The following HSD17B2 variants were observed in gnomAD, a reference collection of about 807,000 sequenced individuals.
The protein encoded by HSD17B2 is 17-beta-hydroxysteroid dehydrogenase type 2.
A neutral mutation model predicts 26.9 loss-of-function variants in HSD17B2; 32 were observed. That is an observed-to-expected ratio of 1.19 (90% CI 0.90 to 1.60). The LOEUF (loss-of-function observed/expected upper bound fraction) is 1.60, where lower values mean the gene tolerates loss of function less well. Ranked by LOEUF, HSD17B2 falls within the 40% of genes most tolerant of loss-of-function variation. The pLI, the probability that HSD17B2 is intolerant of heterozygous loss-of-function variation, is 0.00. For missense variants in HSD17B2, 613 were observed against 468.6 expected (o/e 1.31, Z -2.85); for synonymous variants, 246 against 186.7 (o/e 1.32, Z -2.59).
chr16:82,071,357 G>A (rs984444255), intron 3 of HSD17B2: 2 of 584,300 alleles, frequency 3.4e-6, no homozygotes, highest in Non-Finnish European at 6.2e-6. Context: ...TGTTACTGGG[G>A]ATTTAGGGTT....
chr16:82,069,928 G>A (rs1003593360), intron 2 of HSD17B2, among the ~76,000 whole-genome samples: 1 of 152,092 alleles, frequency 6.6e-6, no homozygotes, highest in Non-Finnish European at 1.5e-5. Flanking sequence ...TCAGTCTCTA[G>A]GACGGGATCC....
At chr16:82,058,524 G>T (rs904575191) in intron 1 of HSD17B2, among the ~76,000 whole-genome samples, 4 of 152,116 alleles carry the variant, frequency 2.6e-5, no homozygotes, top group African/African-American at 9.7e-5. Context: ...AGCATAAAGT[G>T]AGATAACATA....
At chr16:82,036,870 T>G (rs1913639863) in intron 1 of HSD17B2, among the ~76,000 whole-genome samples, 1 of 152,172 alleles carries the variant, frequency 6.6e-6, no homozygotes, top group South Asian at 2.1e-4. Flanking sequence ...TCAAATGGCT[T>G]ATCGGTGAAA....
At chr16:82,067,473 T>A (rs1429774990) in intron 1 of HSD17B2, among the ~76,000 whole-genome samples, 1 of 152,246 alleles carries the variant, frequency 6.6e-6, no homozygotes, top group Non-Finnish European at 1.5e-5. Flanking sequence ...TACTCCCATC[T>A]CAAATTCTGA....
chr16:82,077,511 T>C (rs758180242), intron 3 of HSD17B2, among the ~76,000 whole-genome samples: 1 of 152,124 alleles, frequency 6.6e-6, no homozygotes, highest in African/African-American at 2.4e-5. Context: ...GGTGGATTGC[T>C]TGAGTCCAGG....
chr16:82,085,420 A>G (rs796353075), intron 3 of HSD17B2, among the ~76,000 whole-genome samples: 9 of 152,274 alleles, frequency 5.9e-5, no homozygotes, highest in African/African-American at 2.2e-4. Context: ...TGCAGATATT[A>G]ATTAATTTTC....
chr16:82,091,114 C>T (rs1210655165), intron 4 of HSD17B2, 75 bp downstream of exon 4: 2 of 1,398,900 alleles, frequency 1.4e-6, no homozygotes, highest in East Asian at 4.6e-5. Context: ...TCTGACAGAG[C>T]ACACATTGAA....
At chr16:82,081,870 A>T (rs759402949) in intron 3 of HSD17B2, among the ~76,000 whole-genome samples, 3 of 152,222 alleles carry the variant, frequency 2.0e-5, no homozygotes, top group Non-Finnish European at 4.4e-5. Flanking sequence ...GATAGATTAG[A>T]TAAAGAAAAT....
At chr16:82,074,487 C>T (rs535247572) in intron 3 of HSD17B2, among the ~76,000 whole-genome samples, 48 of 152,190 alleles carry the variant, frequency 3.2e-4, no homozygotes, top group African/African-American at 1.1e-3. Context: ...AGAAACAAAG[C>T]GCTGTCAAGA....
At chr16:82,041,983 C>G (rs932192118) in intron 1 of HSD17B2, among the ~76,000 whole-genome samples, 3 of 151,376 alleles carry the variant, frequency 2.0e-5, no homozygotes, top group African/African-American at 7.3e-5. Flanking sequence ...ATCCTTTTCC[C>G]TTTCTTTTCT....
intron 1 of HSD17B2, among the ~76,000 whole-genome samples, chr16:82,041,017 TACTACAGGGAAGCATAAAAAAGGTTTTG>T (rs1913751805): frequency 6.6e-6 from 1 of 152,210 alleles, no homozygotes; most frequent in African/African-American, 2.4e-5. Flanking sequence ...TACCTTTACC[TACTACAGGGAAGCATAAAAAAGGTTTTG>T]ATAACCCGGG....
intron 1 of HSD17B2, among the ~76,000 whole-genome samples, chr16:82,049,561 T>C (rs991445932): frequency 6.6e-6 from 1 of 152,214 alleles, no homozygotes; most frequent in Non-Finnish European, 1.5e-5. Flanking sequence ...GCTGTGAGCA[T>C]TTCGGAAAGA....
intron 4 of HSD17B2, 120 bp from the exon 5 acceptor site, chr16:82,097,955 A>T (rs1199436672): frequency 2.6e-5 from 24 of 923,590 alleles, no homozygotes; most frequent in Non-Finnish European, 3.3e-5. Context: ...TAAAAAAATA[A>T]AAAAATAAAT....
chr16:82,078,682 T>C (rs1904317271), intron 3 of HSD17B2, among the ~76,000 whole-genome samples: 1 of 152,246 alleles, frequency 6.6e-6, no homozygotes, highest in African/African-American at 2.4e-5. Context: ...GGAGTACTAT[T>C]CAGCCATGTA....
intron 3 of HSD17B2, among the ~76,000 whole-genome samples, chr16:82,086,957 G>C (rs1042058144): frequency 6.6e-6 from 1 of 152,306 alleles, no homozygotes; most frequent in African/African-American, 2.4e-5. Flanking sequence ...AGTGTGAGGT[G>C]TCTGGTGTTT....
At chr16:82,059,556 T>C (rs1379700648) in intron 1 of HSD17B2, among the ~76,000 whole-genome samples, 2 of 151,956 alleles carry the variant, frequency 1.3e-5, no homozygotes, top group African/African-American at 2.4e-5. Flanking sequence ...GATTGAGGAG[T>C]GAGAACCTCT....
At position 82,071,130 on chromosome 16, in the gene HSD17B2, G is replaced by T. The variant is rs1914688259; in HGVS notation, c.664+3G>T. The T allele has an allele frequency of 6.2e-7, 1 of 1,614,068 alleles. No homozygotes were observed. Among genetic ancestry groups the T allele is most frequent in the Non-Finnish European group, 8.5e-7 (1 of 1,179,944 alleles). On this transcript the variant is annotated splice_donor_region_variant and intron_variant, in intron 3 of 4. Coordinates refer to ENST00000199936, the MANE Select transcript of HSD17B2 (RefSeq NM_002153.3). ...GGTGAATGTCAGCAGCATGGGAGGT[G>T]AGTCAGCATTTTCACACATGGTCAT...
At chr16:82,057,151 C>T (rs767534453) in intron 1 of HSD17B2, among the ~76,000 whole-genome samples, 3 of 151,810 alleles carry the variant, frequency 2.0e-5, no homozygotes. Context: ...ATGTATAGAG[C>T]TATTCCACCC....
At chr16:82,038,997 A>T (rs1913694999) in intron 1 of HSD17B2, among the ~76,000 whole-genome samples, 2 of 152,044 alleles carry the variant, frequency 1.3e-5, no homozygotes, top group Admixed American at 1.3e-4. Context: ...ACTTAATTCC[A>T]TGCACTTCTG....
Sources: gnomAD v4.1 joint callset for allele counts (sites outside exome capture counted in the v4.1 genomes callset) on GRCh38, gnomAD v4.1.1 for gene constraint, MANE v1.5 for transcripts, NCBI Gene and HGNC (gene_info 2026-07-23, HGNC 2026-07-21) for gene names.